IL1RAP: variants seen among roughly 807,000 people sequenced by gnomAD.
IL1RAP encodes interleukin 1 receptor accessory protein.
In IL1RAP, 35 loss-of-function variants were observed where a neutral mutation model predicts 60.7. The observed-to-expected ratio is 0.58, with a 90% CI of 0.44 to 0.76. The LOEUF is 0.76. Ranked by LOEUF, IL1RAP falls within the 30% of genes least tolerant of loss-of-function variation. The pLI is 0.00. For synonymous variants in IL1RAP, 268 were observed against 250.9 expected (o/e 1.07, Z -0.64); for missense variants, 572 against 693.9 (o/e 0.82, Z 1.97).
intron 3 of IL1RAP, among the ~76,000 whole-genome samples, chr3:190,599,733 A>G (rs1041713344): frequency 6.2e-5 from 9 of 145,656 alleles, no homozygotes; most frequent in Non-Finnish European, 1.2e-4. Flanking sequence ...TGTGGTGCAG[A>G]GAGTTCTCTT....
chr3:190,588,275 A>G (rs1167358367), intron 3 of IL1RAP, among the ~76,000 whole-genome samples: 1 of 152,098 alleles, frequency 6.6e-6, no homozygotes, highest in Non-Finnish European at 1.5e-5. Context: ...CACCACGCCC[A>G]GCTAATTTTT....
At chr3:190,536,183 G>C (rs770220234) in intron 1 of IL1RAP, among the ~76,000 whole-genome samples, 1 of 152,084 alleles carries the variant, frequency 6.6e-6, no homozygotes, top group Non-Finnish European at 1.5e-5. Flanking sequence ...AAAGCCATTT[G>C]TCCTTCATGC....
At chr3:190,586,071 T>G (rs955610816) in intron 3 of IL1RAP, among the ~76,000 whole-genome samples, 4 of 152,170 alleles carry the variant, frequency 2.6e-5, no homozygotes, top group South Asian at 4.1e-4. Flanking sequence ...TATGCATTTT[T>G]TCCAGACTTA....
intron 1 of IL1RAP, among the ~76,000 whole-genome samples, chr3:190,537,763 T>C (rs1244368421): frequency 6.6e-6 from 1 of 152,178 alleles, no homozygotes; most frequent in African/African-American, 2.4e-5. Flanking sequence ...CCTATCTTTT[T>C]GGCGATCAGA....
intron 1 of IL1RAP, among the ~76,000 whole-genome samples, chr3:190,554,477 G>A (rs925238633): frequency 4.6e-5 from 7 of 152,150 alleles, no homozygotes; most frequent in Non-Finnish European, 1.0e-4. Flanking sequence ...ATATTTGGCT[G>A]TCTCAAAATA....
chr3:190,627,372 T>C lies in IL1RAP; in HGVS notation c.825T>C (p.Asp275=). Residue 275 remains aspartate (D), a synonymous_variant, in exon 8 of 12, where the codon GAT becomes GAC. Coordinates refer to ENST00000447382, the MANE Select transcript of IL1RAP (RefSeq NM_002182.4). ...PCTVYFSFLM[D]SRNEVWWTID... ...CGGTCTATTTTAGTTTTCTGATGGA[T>C]TCTCGCAATGAGGTTTGGTGGACCA... 1.2e-6 allele frequency: 2 copies of C among 1,613,934 alleles called. No homozygotes were observed. Among genetic ancestry groups the C allele is most frequent in the East Asian group, 2.2e-5 (1 of 44,858 alleles).
chr3:190,591,952 C>T (rs1728977188), intron 3 of IL1RAP, among the ~76,000 whole-genome samples: 1 of 152,120 alleles, frequency 6.6e-6, no homozygotes, highest in Non-Finnish European at 1.5e-5. Context: ...TTGCTCATTA[C>T]AGTAATTTTT....
chr3:190,612,577 A>G (rs1730913002), intron 5 of IL1RAP, among the ~76,000 whole-genome samples: 1 of 151,924 alleles, frequency 6.6e-6, no homozygotes, highest in South Asian at 2.1e-4. Flanking sequence ...ATTATTTTTC[A>G]CTTCTTTATT....
chr3:190,525,555 G>A (rs1722437244), intron 1 of IL1RAP, among the ~76,000 whole-genome samples: 1 of 152,146 alleles, frequency 6.6e-6, no homozygotes, highest in Non-Finnish European at 1.5e-5. Flanking sequence ...CTTGAACAGA[G>A]AGTGAAGGAA....
Position 190,629,244 on chromosome 3 carries a change from C to T in IL1RAP, c.903-106C>T, listed in dbSNP as rs1732569213. On this transcript the variant is annotated intron_variant, in intron 8 of 11. Coordinates refer to ENST00000447382, the MANE Select transcript of IL1RAP (RefSeq NM_002182.4). ...GCTCAGCTTATCAACCTTCCTCGCC[C>T]TCACCTGTAGTGGGGGTCTGTGGTT... 5 of 736,376 alleles carry T rather than the reference C, an allele frequency of 6.8e-6. No individual in the cohort carries two copies. The South Asian group carries it at 9.8e-5, about 14-fold the overall frequency. The allele number at this position is 736,376 out of a possible 1,614,324, so 45.6% of individuals were successfully genotyped here. A position where few individuals can be genotyped will look rare whatever the true frequency, so the allele number is the denominator to read the frequency against.
intron 1 of IL1RAP, among the ~76,000 whole-genome samples, chr3:190,551,629 A>G (rs906825660): frequency 6.6e-6 from 1 of 152,212 alleles, no homozygotes; most frequent in African/African-American, 2.4e-5. Flanking sequence ...ATTTGTGAAC[A>G]CTACAGCTCT....
At chr3:190,547,942 G>C (rs1412817069) in intron 1 of IL1RAP, among the ~76,000 whole-genome samples, 1 of 152,128 alleles carries the variant, frequency 6.6e-6, no homozygotes, top group Non-Finnish European at 1.5e-5. Flanking sequence ...AGTAAGGGGG[G>C]CCTCTCCGAG....
At chr3:190,600,661 C>A (rs957850258) in intron 3 of IL1RAP, among the ~76,000 whole-genome samples, 5 of 152,184 alleles carry the variant, frequency 3.3e-5, no homozygotes, top group African/African-American at 7.2e-5. Flanking sequence ...GTAGGACTGA[C>A]TACATCTTCT....
intron 1 of IL1RAP, among the ~76,000 whole-genome samples, chr3:190,520,836 G>A (rs1164375312): frequency 6.6e-6 from 1 of 152,150 alleles, no homozygotes; most frequent in African/African-American, 2.4e-5. Flanking sequence ...GAAATGAGAA[G>A]CAGTCATTTT....
chr3:190,610,053 T>A (rs536850803), intron 5 of IL1RAP, among the ~76,000 whole-genome samples: 1 of 152,268 alleles, frequency 6.6e-6, no homozygotes, highest in African/African-American at 2.4e-5. Context: ...TGGGAAAAGT[T>A]GTAGTTCCTC....
At chr3:190,556,998 A>G (rs761617793) in intron 2 of IL1RAP, among the ~76,000 whole-genome samples, 1 of 152,194 alleles carries the variant, frequency 6.6e-6, no homozygotes, top group Non-Finnish European at 1.5e-5. Flanking sequence ...TAAGTAGAGA[A>G]ATACTTAATC....
chr3:190,552,638 C>T (rs1159803384), intron 1 of IL1RAP, among the ~76,000 whole-genome samples: 1 of 152,074 alleles, frequency 6.6e-6, no homozygotes, highest in African/African-American at 2.4e-5. Flanking sequence ...TATACAACTA[C>T]ACCCAGTCCC....
chr3:190,564,219 G>C, intron 2 of IL1RAP, 70 bp from the exon 3 acceptor site: 2 of 951,370 alleles, frequency 2.1e-6, no homozygotes. Context: ...AGGCATGAAT[G>C]CTAGTTATTA....
At chr3:190,658,336 T>G (rs902699994) in exon 12 of IL1RAP, 4 of 152,226 alleles carry the variant, frequency 2.6e-5, no homozygotes, top group African/African-American at 9.6e-5. Context: ...GGAATTTTAG[T>G]GTCCCTGATA....
Sources: gnomAD v4.1 joint callset for allele counts (sites outside exome capture counted in the v4.1 genomes callset) on GRCh38, gnomAD v4.1.1 for gene constraint, MANE v1.5 for transcripts, NCBI Gene and HGNC (gene_info 2026-07-23, HGNC 2026-07-21) for gene names.